CDKL3: variants seen among roughly 807,000 people sequenced by gnomAD.
CDKL3 encodes cyclin-dependent kinase-like 3.
CDKL3 carries 65 observed loss-of-function variants against 69.3 expected under a neutral mutation model. That is an observed-to-expected ratio of 0.94 (90% CI 0.77 to 1.15). The LOEUF is 1.15. Among genes scored for constraint, CDKL3 ranks in the 50% most tolerant of loss-of-function variants. CDKL3 has a pLI of 0.00. For synonymous variants in CDKL3, 202 were observed against 221.6 expected (o/e 0.91, Z 0.79); for missense variants, 652 against 689.2 (o/e 0.95, Z 0.61).
chr5:134,299,511 G>T (rs1452892689), intron 12 of CDKL3: 2 of 1,197,356 alleles, frequency 1.7e-6, no homozygotes, highest in African/African-American at 3.1e-5. Context: ...AAGAAAACAT[G>T]AATAATTTAA....
Position 134,303,184 on chromosome 5 carries a change from C to T in CDKL3, c.1622-497G>A, listed in dbSNP as rs563552865. Reference sequence around the variant, plus strand: ...TCGGCTCACTGCAACCTCCGCCTCCCGGTTTCAAGTGATTTTCCTGCCTCA... The same window carrying T: ...TCGGCTCACTGCAACCTCCGCCTCCTGGTTTCAAGTGATTTTCCTGCCTCA... On this transcript the variant is annotated intron_variant, in intron 11 of 12. Transcript: ENST00000265334. 3.9e-4 allele frequency among the ~76,000 whole-genome samples: 59 copies of T among 152,048 alleles called. 3 individuals carry two copies. Among genetic ancestry groups the T allele is most frequent in the Admixed American group, 2.7e-3 (41 of 15,274 alleles).
intron 2 of CDKL3, among the ~76,000 whole-genome samples, chr5:134,362,893 A>C (rs1756396409): frequency 6.6e-6 from 1 of 152,214 alleles, no homozygotes; most frequent in African/African-American, 2.4e-5. Context: ...GTGCCACTGC[A>C]CTCCAGCCTG....
In CDKL3 at chr5:134,350,321, A is replaced by C; in HGVS notation, c.467T>G (p.Ile156Ser). The stretch of plus-strand genomic sequence containing the variant: ...GCGTGTGGCCACATAGTCCGTATAA[A>C]TGTCCCCAGGAGCTGCTAGTGTTCG... ...FARTLAAPGDIYTDYVATRWY... is the reference protein window; with the variant it reads ...FARTLAAPGDSYTDYVATRWY... Residue 156 changes from isoleucine to serine, a missense_variant, in exon 4 of 13, where the codon ATT becomes AGT. Coordinates refer to ENST00000265334, the MANE Select transcript of CDKL3 (RefSeq NM_001113575.2). 1 of 1,595,018 alleles carries C rather than the reference A, an allele frequency of 6.3e-7. No homozygotes were observed. Among genetic ancestry groups the C allele is most frequent in the Non-Finnish European group, 8.5e-7 (1 of 1,170,404 alleles).
rs372559542 is a variant in CDKL3 at position 134,308,611 on chromosome 5, T to C, written c.998A>G (p.Tyr333Cys). 3 of 1,606,142 alleles carry C rather than the reference T, an allele frequency of 1.9e-6. No individual in the cohort carries two copies. The highest frequency in any genetic ancestry group is 2.7e-5 in the African/African-American group (2 of 74,360). ...ELRKDERKTV[Y>C]TNTLLSSSVL... ...TGAACTACTTAGCAGTGTATTGGTA[T>C]AAACTGTTTTTCTTTCATCTTTCCT... Residue 333 changes from tyrosine (Y) to cysteine (C), a missense_variant, in exon 8 of 13, where the codon TAT becomes TGT. Tyr to Cys is a radical substitution (Grantham distance 194, BLOSUM62 -2). Transcript: ENST00000265334.
chr5:134,319,272 G>C, intron 6 of CDKL3, 86 bp downstream of exon 6: 1 of 1,023,940 alleles, frequency 9.8e-7, no homozygotes, highest in Non-Finnish European at 1.3e-6. Context: ...AGAGGTTGCA[G>C]TGAGCCGAGA....
chr5:134,356,895 G>A (rs1010558678), intron 3 of CDKL3, among the ~76,000 whole-genome samples: 8 of 151,724 alleles, frequency 5.3e-5, no homozygotes, highest in South Asian at 2.1e-4. Context: ...GGGCAACAGC[G>A]GGCCATCCTT....
intron 2 of CDKL3, among the ~76,000 whole-genome samples, chr5:134,362,019 A>T (rs1581247198): frequency 6.6e-6 from 1 of 152,332 alleles, no homozygotes; most frequent in South Asian, 2.1e-4. Context: ...GGGAAGGGGT[A>T]ATATGAATAA....
rs764774527 is a variant in CDKL3 at position 134,308,571 on chromosome 5, T to C, written c.1035+3A>G. 20 of 1,575,214 alleles carry C rather than the reference T, an allele frequency of 1.3e-5. 1 individual carries two copies. In the South Asian group the frequency reaches 2.3e-4, roughly 18 times the overall value. The stretch of plus-strand genomic sequence containing the variant: ...TGGCTGAAACAAAAACCAAAGTTCT[T>C]ACCTTTCCCAAAACTGAACTACTTA... On this transcript the variant is annotated splice_donor_region_variant and intron_variant, in intron 8 of 12. Transcript: ENST00000265334.
At chr5:134,323,650 G>T (rs1773382051) in intron 4 of CDKL3, among the ~76,000 whole-genome samples, 1 of 152,114 alleles carries the variant, frequency 6.6e-6, no homozygotes, top group East Asian at 1.9e-4. Context: ...AACAAATAGT[G>T]CTGGAACATA....
chr5:134,358,592 ATATTTATT>A (rs111820764), intron 3 of CDKL3, among the ~76,000 whole-genome samples: 29 of 150,768 alleles, frequency 1.9e-4, no homozygotes, highest in Non-Finnish European at 3.0e-4. Flanking sequence ...CCAGCTTGCT[ATATTTATT>A]TATTTATTTA....
chr5:134,342,345 T>A (rs1750699285), intron 4 of CDKL3, among the ~76,000 whole-genome samples: 1 of 152,130 alleles, frequency 6.6e-6, no homozygotes. Flanking sequence ...ACGCCTGTAA[T>A]CCCAGCACTT....
chr5:134,312,257 C>CTTTT, intron 7 of CDKL3, 35 bp downstream of exon 7: 1 of 1,297,328 alleles, frequency 7.7e-7, no homozygotes, highest in Non-Finnish European at 1.1e-6. Flanking sequence ...ATACAAAATG[C>CTTTT]TTTTAAAAAA....
In CDKL3 at chr5:134,359,955, C is replaced by T. The variant is rs965356641; in HGVS notation, c.302G>A (p.Arg101Gln). 1.6e-5 allele frequency: 25 copies of T among 1,584,874 alleles called. No homozygotes were observed. The highest frequency in any genetic ancestry group is 3.6e-5 in the Admixed American group (2 of 55,432). The change falls in exon 3 of 13, where the codon CGA becomes CAA. Residue 101 changes from arginine (R) to glutamine (Q), a missense_variant. By Grantham distance (43) the Arg-to-Gln change is conservative (BLOSUM62 1). Transcript: ENST00000265334. ...GATCTGGAAGAGGTATTTTCTAAGT[C>T]GCTTACTCTCTAGTCCATGACAATA... ...QHYCHGLESK[R>Q]LRKYLFQILR...
intron 8 of CDKL3, among the ~76,000 whole-genome samples, chr5:134,290,199 C>T (rs1327396534): frequency 1.3e-5 from 2 of 151,592 alleles, no homozygotes; most frequent in African/African-American, 2.4e-5. Flanking sequence ...ACTAAAAATA[C>T]AAAAATTAGC....
At chr5:134,347,854 ATC>A (rs1752325570) in intron 4 of CDKL3, among the ~76,000 whole-genome samples, 1 of 152,188 alleles carries the variant, frequency 6.6e-6, no homozygotes, top group Non-Finnish European at 1.5e-5. Flanking sequence ...ATAGGAGTTT[ATC>A]TAGGCCTGGA....
chr5:134,321,780 G>GT lies in CDKL3; in HGVS notation c.652+10dup, dbSNP rs756329924. ...TAGACATGTAACTCATGTTATTTCAGTAATACCTACCCACTTTCAAAACAA... is the reference window on the plus strand; with the variant it reads ...TAGACATGTAACTCATGTTATTTCAGTTAATACCTACCCACTTTCAAAACAA... On this transcript the variant is annotated intron_variant, in intron 5 of 12. Transcript: ENST00000265334. The GT allele has an allele frequency of 1.3e-5, 18 of 1,337,794 alleles. No individual in the cohort carries two copies. The highest frequency in any genetic ancestry group is 1.8e-5 in the Non-Finnish European group (17 of 935,424). The allele number at this position is 1,337,794 out of a possible 1,614,324, so 82.9% of individuals were successfully genotyped here.
chr5:134,363,330 G>A (rs1353613966), intron 2 of CDKL3, among the ~76,000 whole-genome samples: 1 of 152,086 alleles, frequency 6.6e-6, no homozygotes. Context: ...GTCTCGCTCT[G>A]CTGCCCAGGC....
At chr5:134,284,319 G>A (rs1435891212), downstream of CDKL3, among the ~76,000 whole-genome samples, 3 of 152,206 alleles carry the variant, frequency 2.0e-5, no homozygotes, top group Non-Finnish European at 2.9e-5. Context: ...TGCCCCCTGA[G>A]CTGCAAAACC....
chr5:134,285,127 A>C (rs1219092432), downstream of CDKL3, among the ~76,000 whole-genome samples: 1 of 152,164 alleles, frequency 6.6e-6, no homozygotes, highest in Non-Finnish European at 1.5e-5. Context: ...GGGGCCCCTG[A>C]CTTCCCGTAA....
Sources: gnomAD v4.1 joint callset for allele counts (sites outside exome capture counted in the v4.1 genomes callset) on GRCh38, gnomAD v4.1.1 for gene constraint, MANE v1.5 for transcripts, NCBI Gene and HGNC (gene_info 2026-07-23, HGNC 2026-07-21) for gene names.